Variants in OR51B5 observed in about 807,000 individuals in gnomAD.
OR51B5 encodes the protein olfactory receptor 51B5.
For missense variants in OR51B5, 456 were observed against 374.6 expected (o/e 1.22, Z -1.79); for synonymous variants, 186 against 144.8 (o/e 1.28, Z -2.04).
rs1850387610 is a variant in OR51B5, at chr11:5,423,331, C to A, written n.85-76421G>T. 9.2e-6 allele frequency: 6 copies of A among 648,908 alleles called. No homozygotes were observed. The Admixed American group carries it at 9.6e-5, about 10-fold the overall frequency. 40.2% of individuals were successfully genotyped at this position (648,908 alleles called of 1,614,324 possible). Reference sequence around the variant, plus strand: ...GTGAGCTAGCAGCAGTGATTCTATGCAAAAGAGATATGGATCTGAGTTGAT... The same window carrying A: ...GTGAGCTAGCAGCAGTGATTCTATGAAAAAGAGATATGGATCTGAGTTGAT... On this transcript the variant is annotated intron_variant and non_coding_transcript_variant, in intron 1 of 4. Coordinates refer to the OR51B5 transcript ENST00000415970.
At chr11:5,470,812 C>T (rs983036782) in intron 1 of OR51B5, among the ~76,000 whole-genome samples, 1 of 152,132 alleles carries the variant, frequency 6.6e-6, no homozygotes, top group Non-Finnish European at 1.5e-5. Context: ...TCACTCATCC[C>T]TCAACATCTT....
intron 1 of OR51B5, chr11:5,455,570 A>AGAGAGAGAGAAAGAGAAAGAGAGAGGG (rs560144318): frequency 6.7e-6 from 1 of 149,958 alleles, no homozygotes; most frequent in African/African-American, 2.5e-5. Flanking sequence ...GGGGGGAGAG[A>AGAGAGAGAGAAAGAGAAAGAGAGAGGG]GAGAGAGAAA....
At chr11:5,455,871 C>T (rs566135044) in intron 1 of OR51B5, 14 of 152,012 alleles carry the variant, frequency 9.2e-5, no homozygotes, top group African/African-American at 3.4e-4. Context: ...TGTGTCCTGG[C>T]CCACTAAATA....
intron 1 of OR51B5, among the ~76,000 whole-genome samples, chr11:5,368,430 C>T (rs1367683346): frequency 1.3e-5 from 2 of 151,350 alleles, no homozygotes; most frequent in Admixed American, 6.6e-5. Flanking sequence ...TTCAATAGTG[C>T]CTGGTCCATT....
At chr11:5,382,928 A>G (rs935340192) in intron 1 of OR51B5, among the ~76,000 whole-genome samples, 1 of 152,100 alleles carries the variant, frequency 6.6e-6, no homozygotes, top group Non-Finnish European at 1.5e-5. Context: ...ACCATGCCCT[A>G]TTTAAAGGAT....
At chr11:5,489,589 C>G in intron 1 of OR51B5, 1 of 1,614,010 alleles carries the variant, frequency 6.2e-7, no homozygotes. Context: ...CAATCCTATT[C>G]TCTATGGAGC....
At chr11:5,441,305 G>A (rs771355847) in intron 1 of OR51B5, 22 of 1,613,828 alleles carry the variant, frequency 1.4e-5, no homozygotes, top group Admixed American at 6.7e-5. Flanking sequence ...CCAGATCATT[G>A]AGAGCGAGCA....
intron 1 of OR51B5, among the ~76,000 whole-genome samples, chr11:5,445,847 A>C (rs1186027488): frequency 6.6e-6 from 1 of 152,018 alleles, no homozygotes; most frequent in Non-Finnish European, 1.5e-5. Context: ...TTTGAAATGC[A>C]TCCAAAAGGT....
intron 1 of OR51B5, chr11:5,455,799 G>C (rs1488945837): frequency 1.3e-5 from 2 of 152,068 alleles, no homozygotes; most frequent in Non-Finnish European, 2.9e-5. Context: ...GATAATGTAA[G>C]TACTTGGGAT....
chr11:5,387,010 G>T (rs533591359), intron 1 of OR51B5, among the ~76,000 whole-genome samples: 2 of 152,212 alleles, frequency 1.3e-5, no homozygotes, highest in East Asian at 3.9e-4. Flanking sequence ...AGAAACTCAG[G>T]CCTGATATGT....
chr11:5,342,425 G>C (rs1848909592), downstream of OR51B5: 1 of 392,500 alleles, frequency 2.5e-6, no homozygotes, highest in Non-Finnish European at 3.5e-6. Context: ...TTTAGCTAAA[G>C]AGTTGGGCTT....
At chr11:5,438,265 C>T (rs1850619012) in intron 1 of OR51B5, among the ~76,000 whole-genome samples, 1 of 144,560 alleles carries the variant, frequency 6.9e-6, no homozygotes, top group South Asian at 2.2e-4. Flanking sequence ...CCTGGAGATA[C>T]TGCCCTCTCT....
chr11:5,486,625 C>T (rs1010577818), intron 1 of OR51B5, among the ~76,000 whole-genome samples: 1 of 152,180 alleles, frequency 6.6e-6, no homozygotes, highest in African/African-American at 2.4e-5. Flanking sequence ...GGCATCCCCG[C>T]CCCTGCATTC....
At chr11:5,403,802 G>C (rs989551852) in intron 1 of OR51B5, among the ~76,000 whole-genome samples, 1 of 152,078 alleles carries the variant, frequency 6.6e-6, no homozygotes, top group African/African-American at 2.4e-5. Context: ...TGCATACCTG[G>C]AGCAGGAATG....
At chr11:5,389,807 GCCATCTGCCA>G (rs1849764775) in intron 1 of OR51B5, 1 of 1,613,752 alleles carries the variant, frequency 6.2e-7, no homozygotes, top group African/African-American at 1.3e-5. Flanking sequence ...CCGCCTTGTG[GCCATCTGCCA>G]CCCTCTGAGG....
intron 1 of OR51B5, among the ~76,000 whole-genome samples, chr11:5,456,901 G>C (rs937747028): frequency 6.6e-6 from 1 of 152,130 alleles, no homozygotes; most frequent in Non-Finnish European, 1.5e-5. Flanking sequence ...GTTTAAAAAT[G>C]TATGGCACTG....
At chr11:5,382,896 C>G (rs755718798) in intron 1 of OR51B5, among the ~76,000 whole-genome samples, 1 of 152,100 alleles carries the variant, frequency 6.6e-6, no homozygotes, top group South Asian at 2.1e-4. Context: ...TTTTGGAGCT[C>G]ATCCCCACAC....
intron 1 of OR51B5, among the ~76,000 whole-genome samples, chr11:5,368,543 G>A (rs572635589): frequency 2.0e-5 from 3 of 152,180 alleles, no homozygotes; most frequent in Non-Finnish European, 2.9e-5. Flanking sequence ...ACTCTGTCTA[G>A]CTCTGACAAA....
intron 1 of OR51B5, chr11:5,430,598 G>C: frequency 2.5e-6 from 1 of 405,626 alleles, no homozygotes; most frequent in South Asian, 1.8e-5. Flanking sequence ...GCCCATAGCA[G>C]AAACATTATC....
Sources: allele counts gnomAD v4.1 joint callset (sites outside exome capture counted in the v4.1 genomes callset), GRCh38; gene constraint gnomAD v4.1.1; transcripts MANE v1.5; gene names NCBI Gene and HGNC (gene_info 2026-07-23, HGNC 2026-07-21).